Variants in AP3B1 observed in about 807,000 individuals in gnomAD.
AP3B1 encodes AP-3 complex subunit beta-1.
In AP3B1, 61 loss-of-function variants were observed where a neutral mutation model predicts 132.5. The observed-to-expected ratio is 0.46, with a 90% CI of 0.37 to 0.57. The LOEUF is 0.57. Ranked by LOEUF, AP3B1 falls within the 20% of genes least tolerant of loss-of-function variation. The pLI is 0.00. For missense variants in AP3B1, 1,120 were observed against 1,289.4 expected (o/e 0.87, Z 2.01); for synonymous variants, 388 against 438.3 (o/e 0.89, Z 1.43).
At chr5:78,262,122 A>G (rs1748120940) in intron 2 of AP3B1, among the ~76,000 whole-genome samples, 2 of 152,206 alleles carry the variant, frequency 1.3e-5, no homozygotes. Context: ...TATTCTGGAT[A>G]TCAATCCTTT....
chr5:78,087,356 G>T, intron 22 of AP3B1: 1 of 206,540 alleles, frequency 4.8e-6, no homozygotes, highest in Non-Finnish European at 8.5e-6. Context: ...AACTCTGGTT[G>T]ATTCATCTTC....
intron 26 of AP3B1, among the ~76,000 whole-genome samples, chr5:78,008,234 C>G (rs1156326990): frequency 6.6e-6 from 1 of 152,156 alleles, no homozygotes; most frequent in Non-Finnish European, 1.5e-5. Context: ...TACATTCTTA[C>G]CCCATTCTCT....
chr5:78,216,326 G>C, intron 6 of AP3B1, 89 bp from the exon 7 acceptor site: 2 of 1,228,692 alleles, frequency 1.6e-6, no homozygotes, highest in Admixed American at 3.9e-5. Context: ...TCAGTTTCAT[G>C]CCAATCAGTA....
intron 11 of AP3B1, among the ~76,000 whole-genome samples, chr5:78,171,334 A>G (rs1476930480): frequency 2.0e-5 from 3 of 152,216 alleles, no homozygotes; most frequent in South Asian, 2.1e-4. Context: ...CAGTATGGCC[A>G]TTACCACTAT....
intron 2 of AP3B1, among the ~76,000 whole-genome samples, chr5:78,260,413 T>C (rs552948340): frequency 1.3e-5 from 2 of 152,078 alleles, no homozygotes; most frequent in South Asian, 2.1e-4. Flanking sequence ...ACTAGCATGA[T>C]GAAACCCCCG....
intron 26 of AP3B1, among the ~76,000 whole-genome samples, chr5:78,004,484 G>GT (rs908050283): frequency 4.6e-5 from 7 of 151,990 alleles, no homozygotes; most frequent in South Asian, 4.1e-4. Flanking sequence ...TCTTTTTTGG[G>GT]TTTTTTAAAA....
At chr5:78,070,699 T>A in intron 22 of AP3B1, among the ~76,000 whole-genome samples, 1 of 144,280 alleles carries the variant, frequency 6.9e-6, no homozygotes. Flanking sequence ...AAAAGGAAAT[T>A]AAACAAATTA....
At chr5:78,104,070 G>A (rs1190561816) in intron 20 of AP3B1, among the ~76,000 whole-genome samples, 8 of 152,118 alleles carry the variant, frequency 5.3e-5, no homozygotes, top group Non-Finnish European at 8.8e-5. Context: ...AATAGGATAA[G>A]CAGTATGTAA....
At chr5:78,167,230 A>G (rs899667472) in intron 11 of AP3B1, among the ~76,000 whole-genome samples, 2 of 152,236 alleles carry the variant, frequency 1.3e-5, no homozygotes, top group Admixed American at 1.3e-4. Flanking sequence ...CAAGAAGCAC[A>G]TGGAAAAATG....
chr5:78,123,623 A>T (rs1291732075), intron 17 of AP3B1, among the ~76,000 whole-genome samples: 1 of 152,232 alleles, frequency 6.6e-6, no homozygotes, highest in Non-Finnish European at 1.5e-5. Context: ...ACCATCAGAG[A>T]AATGCAAATC....
At chr5:78,066,255 TCTC>T (rs1158841612) in intron 22 of AP3B1, among the ~76,000 whole-genome samples, 3 of 152,138 alleles carry the variant, frequency 2.0e-5, no homozygotes, top group African/African-American at 4.8e-5. Context: ...GAGTGCCTCT[TCTC>T]CTCCCAATTA....
chr5:78,263,792 T>C (rs1329331469), intron 2 of AP3B1, among the ~76,000 whole-genome samples: 3 of 152,214 alleles, frequency 2.0e-5, no homozygotes, highest in African/African-American at 7.2e-5. Flanking sequence ...ATGTGGTATA[T>C]TACAATGACT....
chr5:78,077,105 A>G lies in AP3B1; in HGVS notation c.2577+12288T>C, dbSNP rs571913147. On this transcript the variant is annotated intron_variant, in intron 22 of 26. Transcript: ENST00000255194. Reference sequence around the variant, plus strand: ...TTGAGTTTGGCTACCTCCAAGAGGCATACAACAACAAATTAGGCCTTTTTG... The same window carrying G: ...TTGAGTTTGGCTACCTCCAAGAGGCGTACAACAACAAATTAGGCCTTTTTG... Among the ~76,000 whole-genome samples, 3 of 152,200 alleles carry G rather than the reference A, an allele frequency of 2.0e-5. No homozygotes were observed. In the East Asian group the frequency reaches 5.8e-4, roughly 29 times the overall value.
At chr5:78,193,770 A>ATATTTTTTTTTT in intron 7 of AP3B1, among the ~76,000 whole-genome samples, 27 of 67,212 alleles carry the variant, frequency 4.0e-4, no homozygotes, top group Non-Finnish European at 5.1e-4. Flanking sequence ...ATATATATAT[A>ATATTTTTTTTTT]TTTTTTTTTT....
At chr5:78,028,502 A>T (rs1411878149) in intron 24 of AP3B1, among the ~76,000 whole-genome samples, 1 of 152,166 alleles carries the variant, frequency 6.6e-6, no homozygotes, top group African/African-American at 2.4e-5. Flanking sequence ...TTATACTGCA[A>T]ATGGCGTTTA....
chr5:78,048,492 G>A (rs900374362), intron 22 of AP3B1, among the ~76,000 whole-genome samples: 1 of 152,088 alleles, frequency 6.6e-6, no homozygotes, highest in Non-Finnish European at 1.5e-5. Context: ...TGGACATTTG[G>A]CCCAATGAGT....
intron 8 of AP3B1, among the ~76,000 whole-genome samples, chr5:78,179,336 T>C (rs915770195): frequency 6.6e-6 from 1 of 152,196 alleles, no homozygotes; most frequent in Non-Finnish European, 1.5e-5. Context: ...GTCAATGTCT[T>C]TAAAATTCTA....
intron 8 of AP3B1, among the ~76,000 whole-genome samples, chr5:78,178,876 ATGTT>A (rs1397924390): frequency 2.0e-5 from 3 of 152,172 alleles, no homozygotes; most frequent in Admixed American, 6.5e-5. Context: ...GCACAGAAGA[ATGTT>A]TGAGGTTAAA....
intron 7 of AP3B1, among the ~76,000 whole-genome samples, chr5:78,185,526 T>C (rs534205409): frequency 9.2e-5 from 14 of 152,272 alleles, no homozygotes; most frequent in African/African-American, 3.4e-4. Flanking sequence ...GATGGTAAGA[T>C]GATAAGTTAT....
Sources: gnomAD v4.1 joint callset for allele counts (sites outside exome capture counted in the v4.1 genomes callset) on GRCh38, gnomAD v4.1.1 for gene constraint, MANE v1.5 for transcripts, NCBI Gene and HGNC (gene_info 2026-07-23, HGNC 2026-07-21) for gene names.